Variants in SAMMSON observed in about 807,000 individuals in gnomAD.
SAMMSON encodes long intergenic non-protein coding RNA 1212.
At chr3:70,327,425 G>A (rs1410101744) in intron 7 of SAMMSON, among the ~76,000 whole-genome samples, 1 of 152,140 alleles carries the variant, frequency 6.6e-6, no homozygotes, top group Non-Finnish European at 1.5e-5. Flanking sequence ...ACAGGGTTGG[G>A]GAACCTAGAC....
At chr3:70,417,347 G>C (rs1017844134) in intron 2 of SAMMSON, among the ~76,000 whole-genome samples, 15 of 152,138 alleles carry the variant, frequency 9.9e-5, no homozygotes, top group African/African-American at 3.4e-4. Context: ...AACCATCCTT[G>C]TATGGAAGTG....
chr3:70,383,620 C>G (rs2106753226), intron 9 of SAMMSON, among the ~76,000 whole-genome samples: 1 of 151,894 alleles, frequency 6.6e-6, no homozygotes, highest in East Asian at 1.9e-4. Flanking sequence ...AGAAATTATT[C>G]TTCATTTTCC....
chr3:70,209,657 T>C (rs890112305), intron 4 of SAMMSON, among the ~76,000 whole-genome samples: 2 of 152,096 alleles, frequency 1.3e-5, no homozygotes, highest in African/African-American at 2.4e-5. Context: ...TCCAAAAGCT[T>C]TGTGCTTGTC....
At chr3:70,163,342 A>AAT (rs143014008) in intron 4 of SAMMSON, among the ~76,000 whole-genome samples, 47,615 of 144,746 alleles carry the variant, frequency 0.33, 8,363 homozygotes, top group East Asian at 0.66. Context: ...ATCTATATAG[A>AAT]ATATATATAT....
At chr3:70,324,735 C>A (rs1702566576) in intron 7 of SAMMSON, among the ~76,000 whole-genome samples, 1 of 151,910 alleles carries the variant, frequency 6.6e-6, no homozygotes, top group African/African-American at 2.4e-5. Context: ...TAATTCATTC[C>A]AGTACTTTTC....
chr3:70,340,652 C>T (rs1370621228), intron 7 of SAMMSON, among the ~76,000 whole-genome samples: 2 of 152,216 alleles, frequency 1.3e-5, no homozygotes, highest in African/African-American at 2.4e-5. Flanking sequence ...CATTGAATAT[C>T]TAATGAGCTC....
intron 4 of SAMMSON, among the ~76,000 whole-genome samples, chr3:70,130,482 TA>T (rs1309444451): frequency 6.6e-6 from 1 of 152,206 alleles, no homozygotes; most frequent in Non-Finnish European, 1.5e-5. Context: ...TACAACGTGA[TA>T]ATGACATTTC....
intron 9 of SAMMSON, among the ~76,000 whole-genome samples, chr3:70,386,911 G>T (rs1703127258): frequency 6.6e-6 from 1 of 152,074 alleles, no homozygotes; most frequent in African/African-American, 2.4e-5. Context: ...GGAAAAGATG[G>T]CAGTGTGCCT....
At chr3:70,229,270 G>A (rs1701536892) in intron 4 of SAMMSON, among the ~76,000 whole-genome samples, 1 of 152,212 alleles carries the variant, frequency 6.6e-6, no homozygotes, top group Admixed American at 6.5e-5. Context: ...GGGTGAGTGT[G>A]TGAAAGAATT....
chr3:70,048,967 A>G (rs899201883), intron 3 of SAMMSON, among the ~76,000 whole-genome samples: 7 of 152,148 alleles, frequency 4.6e-5, no homozygotes, highest in Non-Finnish European at 7.4e-5. Flanking sequence ...GGCAAATTGC[A>G]TGGTGTAGGA....
chr3:70,135,127 A>G (rs931537286), intron 4 of SAMMSON, among the ~76,000 whole-genome samples: 12 of 152,112 alleles, frequency 7.9e-5, no homozygotes, highest in Admixed American at 2.6e-4. Context: ...GACAATTTAA[A>G]CCTGTGCATT....
intron 4 of SAMMSON, chr3:70,094,775 G>C (rs1216693034): frequency 6.6e-6 from 1 of 152,270 alleles, no homozygotes; most frequent in Admixed American, 6.5e-5. Context: ...GCGAGAGAAA[G>C]AGTGAGGCAT....
intron 4 of SAMMSON, among the ~76,000 whole-genome samples, chr3:70,194,965 A>G (rs1239287640): frequency 6.6e-6 from 1 of 152,120 alleles, no homozygotes; most frequent in Non-Finnish European, 1.5e-5. Flanking sequence ...ACAACTGTTG[A>G]TGAGTCAGTC....
Position 70,245,671 on chromosome 3 carries a change from TTATATATATATATATA to T in SAMMSON, n.508-3407_508-3392del, listed in dbSNP as rs34480688. ...TTGCATAACGTTTTTGCAAACTGCTTTATATATATATATATATATATATATATATATATATATATAT... is the reference window on the plus strand; with the variant it reads ...TTGCATAACGTTTTTGCAAACTGCTTTATATATATATATATATATATATAT... On this transcript the variant is annotated intron_variant and non_coding_transcript_variant, in intron 4 of 9. Coordinates refer to ENST00000642114, the Ensembl canonical transcript of SAMMSON. Among the ~76,000 whole-genome samples, 327 of 57,246 alleles carry T rather than the reference TTATATATATATATATA, an allele frequency of 5.7e-3. 3 individuals carry two copies. Among genetic ancestry groups the T allele is most frequent in the African/African-American group, 0.015 (264 of 17,436 alleles). The allele number at this position is 57,246 out of a possible 152,430, so 37.6% of individuals were successfully genotyped here. A position where few individuals can be genotyped will look rare whatever the true frequency, so the allele number is the denominator to read the frequency against.
chr3:70,198,436 A>T (rs1701202740), intron 4 of SAMMSON, among the ~76,000 whole-genome samples: 1 of 152,178 alleles, frequency 6.6e-6, no homozygotes. Flanking sequence ...TTATTCATAT[A>T]ATAGTCTTTA....
chr3:70,014,712 T>C (rs2066974208), intron 3 of SAMMSON: 1 of 152,186 alleles, frequency 6.6e-6, no homozygotes, highest in Non-Finnish European at 1.5e-5. Context: ...CAAAGTAACT[T>C]CTGGCTTTAA....
At chr3:70,291,635 T>A (rs553951687) in intron 7 of SAMMSON, among the ~76,000 whole-genome samples, 179 of 152,280 alleles carry the variant, frequency 1.2e-3, no homozygotes, top group Non-Finnish European at 2.0e-3. Context: ...TGGCTGTCAC[T>A]TTCCCCTGTG....
At chr3:70,258,992 G>A (rs753775908) in intron 6 of SAMMSON, among the ~76,000 whole-genome samples, 3 of 151,886 alleles carry the variant, frequency 2.0e-5, no homozygotes, top group Non-Finnish European at 4.4e-5. Context: ...ATAAAGAAGG[G>A]TGCAAGATAT....
intron 7 of SAMMSON, among the ~76,000 whole-genome samples, chr3:70,328,265 G>A (rs1313171119): frequency 6.6e-6 from 1 of 152,112 alleles, no homozygotes; most frequent in Admixed American, 6.6e-5. Context: ...AACCATATCA[G>A]TCTGACATCC....
Sources: gnomAD v4.1 joint callset for allele counts (sites outside exome capture counted in the v4.1 genomes callset) on GRCh38, gnomAD v4.1.1 for gene constraint, MANE v1.5 for transcripts, NCBI Gene and HGNC (gene_info 2026-07-23, HGNC 2026-07-21) for gene names.